TMEM164: variants seen among roughly 807,000 people sequenced by gnomAD.
The protein encoded by TMEM164 is RP13-360B22.2.
Under a neutral mutation model 18.8 loss-of-function variants are expected in TMEM164, and 4 were observed. The observed-to-expected ratio is 0.21, with a 90% CI of 0.10 to 0.49. The LOEUF (loss-of-function observed/expected upper bound fraction) is 0.49, where lower values mean the gene tolerates loss of function less well. Ranked by LOEUF, TMEM164 falls within the 20% of genes least tolerant of loss-of-function variation. The pLI, the probability that TMEM164 is intolerant of heterozygous loss-of-function variation, is 0.98. For missense variants in TMEM164, 108 were observed against 239.9 expected, an observed-to-expected ratio of 0.45 and a Z score of 3.63; for synonymous variants, 86 against 101.7, an observed-to-expected ratio of 0.85 and a Z score of 0.93.
chrX:110,009,297 C>G (rs186106666), intron 2 of TMEM164, among the ~76,000 whole-genome samples: 1 of 112,071 alleles, frequency 8.9e-6, no homozygotes, highest in African/African-American at 3.3e-5. Context: ...GAAGATTCTC[C>G]TCTACGAAAC....
chrX:110,103,435 A>G (rs1015326149), intron 3 of TMEM164, among the ~76,000 whole-genome samples: 2 of 111,939 alleles, frequency 1.8e-5, no homozygotes, highest in South Asian at 7.4e-4. Flanking sequence ...GAATAGTTTC[A>G]GCAGGCCTCT....
rs1309694218 is a variant in TMEM164, at chrX:110,175,547, C to G, written c.*2096C>G. 2.7e-5 allele frequency: 4 copies of G among 147,747 alleles called. No homozygotes were observed. In the East Asian group the frequency reaches 8.0e-4, roughly 30 times the overall value. 12.2% of individuals were successfully genotyped at this position (147,747 alleles called of 1,213,427 possible). On this transcript the variant is annotated 3_prime_UTR_variant, in exon 7 of 7. Coordinates refer to ENST00000372068, the MANE Select transcript of TMEM164 (RefSeq NM_032227.4). ...CATCCTCCACAAGCTTGCCTTTGCT[C>G]TGTCTACAGCTTAGTACCCCATTCT...
In TMEM164 at chrX:110,064,933, G is replaced by A. The variant is rs181875555; in HGVS notation, c.391-2414G>A. ...AATTGCTTCAGCCCAGGAGTTGGAGGGTACAGTGAGCTATGATTGCACCAC... is the reference window on the plus strand; with the variant it reads ...AATTGCTTCAGCCCAGGAGTTGGAGAGTACAGTGAGCTATGATTGCACCAC... On this transcript the variant is annotated intron_variant, in intron 2 of 6. Coordinates refer to ENST00000372068, the MANE Select transcript of TMEM164 (RefSeq NM_032227.4). 8.8e-4 allele frequency among the ~76,000 whole-genome samples: 93 copies of A among 105,847 alleles called. 1 individual carries two copies. The highest frequency in any genetic ancestry group is 7.0e-3 in the Admixed American group (69 of 9,873). 91.9% of individuals were successfully genotyped at this position (105,847 alleles called of 115,157 possible).
Position 110,175,921 on chromosome X carries a change from C to T in TMEM164, c.*2470C>T. The T allele has an allele frequency of 2.1e-5, 16 of 756,055 alleles. No homozygotes were observed. The highest frequency in any genetic ancestry group is 2.5e-5 in the Non-Finnish European group (16 of 639,641). The allele number at this position is 756,055 out of a possible 1,213,427, so 62.3% of individuals were successfully genotyped here. ...CAGGGTAGCCCACCTTATAGGGTAG[C>T]CCTCATATCTGCCCTGTGCCGGCCC... is the stretch of plus-strand genomic sequence containing the variant. On this transcript the variant is annotated 3_prime_UTR_variant, in exon 7 of 7. Transcript: ENST00000372068.
intron 2 of TMEM164, among the ~76,000 whole-genome samples, chrX:110,017,444 T>TTCTTTCTTTCTTTCTTTCTTTC (rs1182465665): frequency 0.024 from 1,044 of 42,895 alleles, 43 homozygotes; most frequent in Admixed American, 0.04. Context: ...CTTTCTTTCT[T>TTCTTTCTTTCTTTCTTTCTTTC]TCTCTCTCTC....
intron 3 of TMEM164, among the ~76,000 whole-genome samples, chrX:110,108,755 T>C (rs2066249793): frequency 8.9e-6 from 1 of 112,173 alleles, no homozygotes; most frequent in Non-Finnish European, 1.9e-5. Context: ...CCGCCCAAGC[T>C]GTAGCAGTTG....
At chrX:110,031,383 G>C (rs1011930567) in intron 2 of TMEM164, among the ~76,000 whole-genome samples, 1 of 111,899 alleles carries the variant, frequency 8.9e-6, no homozygotes, top group African/African-American at 3.3e-5. Context: ...GCAGCAGCAC[G>C]ATCAGGGCTC....
chrX:110,159,155 A>C (rs1233202875), intron 5 of TMEM164, among the ~76,000 whole-genome samples: 3 of 111,178 alleles, frequency 2.7e-5, no homozygotes, highest in African/African-American at 9.9e-5. Flanking sequence ...CCCTTTGGGG[A>C]TGATCTAGTG....
At chrX:110,004,964 G>A (rs762301153) in intron 2 of TMEM164, among the ~76,000 whole-genome samples, 1 of 112,398 alleles carries the variant, frequency 8.9e-6, no homozygotes, top group Non-Finnish European at 1.9e-5. Flanking sequence ...AAGGCAAGTT[G>A]CCAGATACAT....
chrX:110,173,518 A>G lies in TMEM164; in HGVS notation c.*67A>G. 4 of 956,819 alleles carry G rather than the reference A, an allele frequency of 4.2e-6. No individual in the cohort carries two copies. The highest frequency in any genetic ancestry group is 5.8e-6 in the Non-Finnish European group (4 of 691,998). 78.9% of individuals were successfully genotyped at this position (956,819 alleles called of 1,213,427 possible). On this transcript the variant is annotated 3_prime_UTR_variant, in exon 7 of 7. Coordinates refer to ENST00000372068, the MANE Select transcript of TMEM164 (RefSeq NM_032227.4). ...TCGTGACTTGACTTGGAGAACACCC[A>G]GTTCTTGATAAAATCATGGGAGAGG...
At chrX:110,032,453 T>A (rs1259230231) in intron 2 of TMEM164, among the ~76,000 whole-genome samples, 2 of 111,543 alleles carry the variant, frequency 1.8e-5, no homozygotes, top group African/African-American at 6.5e-5. Flanking sequence ...TGTTGTTTTT[T>A]TTTGCAGTTC....
At chrX:110,071,386 T>C (rs1225701363) in intron 3 of TMEM164, among the ~76,000 whole-genome samples, 1 of 110,396 alleles carries the variant, frequency 9.1e-6, no homozygotes, top group Non-Finnish European at 1.9e-5. Context: ...TTTTTTCATT[T>C]AAATTTTTGA....
At chrX:110,116,837 T>C (rs756207240) in intron 4 of TMEM164, among the ~76,000 whole-genome samples, 8 of 105,823 alleles carry the variant, frequency 7.6e-5, no homozygotes, top group African/African-American at 2.8e-4. Context: ...TGTGTGTGTG[T>C]GTGTGTGTGT....
intron 3 of TMEM164, among the ~76,000 whole-genome samples, chrX:110,095,236 G>A (rs1251101728): frequency 1.8e-5 from 2 of 111,804 alleles, no homozygotes; most frequent in African/African-American, 6.5e-5. Context: ...GCCTTGCTAG[G>A]TTGGGGAAGT....
intron 4 of TMEM164, among the ~76,000 whole-genome samples, chrX:110,113,286 A>G (rs2147986367): frequency 8.9e-6 from 1 of 111,941 alleles, no homozygotes; most frequent in East Asian, 2.8e-4. Flanking sequence ...AAAAGCTGGG[A>G]ATGTCTCCAT....
At chrX:110,078,081 C>T (rs776582050) in intron 3 of TMEM164, among the ~76,000 whole-genome samples, 26 of 112,323 alleles carry the variant, frequency 2.3e-4, no homozygotes, top group Non-Finnish European at 4.3e-4. Context: ...TTCCTTCTCT[C>T]TCAGGAATGC....
chrX:110,026,896 G>A (rs1934219495), intron 2 of TMEM164, among the ~76,000 whole-genome samples: 1 of 112,067 alleles, frequency 8.9e-6, no homozygotes. Context: ...CAGCAACCTT[G>A]CTAAATGCTT....
At chrX:110,073,172 C>T (rs2065621602) in intron 3 of TMEM164, among the ~76,000 whole-genome samples, 1 of 111,446 alleles carries the variant, frequency 9.0e-6, no homozygotes, top group Non-Finnish European at 1.9e-5. Context: ...GCTGGGACTA[C>T]AGGCACTAGC....
chrX:110,091,170 A>G (rs1421184001), intron 3 of TMEM164, among the ~76,000 whole-genome samples: 1 of 112,091 alleles, frequency 8.9e-6, no homozygotes, highest in Non-Finnish European at 1.9e-5. Flanking sequence ...ATAAACATAC[A>G]TGTGCATGTG....
Sources: gnomAD v4.1 joint callset for allele counts (sites outside exome capture counted in the v4.1 genomes callset) on GRCh38, gnomAD v4.1.1 for gene constraint, MANE v1.5 for transcripts, NCBI Gene and HGNC (gene_info 2026-07-23, HGNC 2026-07-21) for gene names.